CRISP3: variants seen among roughly 807,000 people sequenced by gnomAD.
CRISP3 encodes the protein cysteine rich secretory protein 3.
A neutral mutation model predicts 36.1 loss-of-function variants in CRISP3; 33 were observed. The observed-to-expected ratio is 0.91, with a 90% CI of 0.69 to 1.22. The LOEUF is 1.22. Ranked by LOEUF, CRISP3 falls within the 50% of genes most tolerant of loss-of-function variation. The probability of loss-of-function intolerance (pLI) is 0.00; values close to 1 mark genes in which losing one functional copy is unlikely to be tolerated. For synonymous variants in CRISP3, 117 were observed against 104.6 expected (o/e 1.12, Z -0.72); for missense variants, 330 against 301.2 (o/e 1.10, Z -0.71).
Position 49,731,027 on chromosome 6 carries a change from G to A in CRISP3, c.649+136C>T, listed in dbSNP as rs544558995. The A allele has an allele frequency of 2.2e-5, 13 of 587,662 alleles. No homozygotes were observed. The East Asian group carries it at 3.8e-4, about 17-fold the overall frequency. The allele number at this position is 587,662 out of a possible 1,614,324, so 36.4% of individuals were successfully genotyped here. On this transcript the variant is annotated intron_variant, in intron 7 of 7. Coordinates refer to ENST00000263045, the MANE Select transcript of CRISP3 (RefSeq NM_006061.4). ...ACTGCACTCCAGCCTGGGCGACAGAGCCAGACAGACTTTTTTTTCCTTTTT... is the reference window on the plus strand; with the variant it reads ...ACTGCACTCCAGCCTGGGCGACAGAACCAGACAGACTTTTTTTTCCTTTTT...
rs776792111 is a variant in CRISP3, at chr6:49,733,177, G to T, written c.560+18C>A. On this transcript the variant is annotated intron_variant, in intron 6 of 7. Transcript: ENST00000263045. ...GTATTTAGCATTATTGACAATAAAC[G>T]CTAAAATATATACTTACGCAGGACA... The T allele has an allele frequency of 6.4e-6, 9 of 1,410,634 alleles. No individual in the cohort carries two copies. Among genetic ancestry groups the T allele is most frequent in the Admixed American group, 2.1e-5 (1 of 48,762 alleles). The allele number at this position is 1,410,634 out of a possible 1,614,324, so 87.4% of individuals were successfully genotyped here. A position where few individuals can be genotyped will look rare whatever the true frequency, so the allele number is the denominator to read the frequency against.
intron 4 of CRISP3, among the ~76,000 whole-genome samples, chr6:49,735,168 T>C (rs1270250343): frequency 6.6e-6 from 1 of 152,186 alleles, no homozygotes. Context: ...CCAAATTTCC[T>C]ATATATGACA....
intron 4 of CRISP3, among the ~76,000 whole-genome samples, 173 bp from the exon 5 acceptor site, chr6:49,734,021 C>G: frequency 6.6e-6 from 1 of 152,152 alleles, no homozygotes; most frequent in Admixed American, 6.5e-5. Context: ...AGATCCTTAT[C>G]AGCTATAAGC....
chr6:49,728,726 G>C lies in CRISP3; in HGVS notation c.*4C>G. The C allele has an allele frequency of 6.2e-7, 1 of 1,609,442 alleles. No individual in the cohort carries two copies. ...CATAGCCCTACTCGGTGTGTAATGC[G>C]TATTTAATAAATGCTGTTTGAACAA... On this transcript the variant is annotated 3_prime_UTR_variant, in exon 8 of 8. Coordinates refer to ENST00000263045, the MANE Select transcript of CRISP3 (RefSeq NM_006061.4).
In CRISP3 at chr6:49,738,721, C is replaced by A. The variant is rs111495158; in HGVS notation, c.38-1323G>T. Among the ~76,000 whole-genome samples the A allele has an allele frequency of 6.3e-3, 962 of 152,192 alleles. 6 individuals are homozygous for A. Among genetic ancestry groups the A allele is most frequent in the African/African-American group, 0.021 (874 of 41,536 alleles). On this transcript the variant is annotated intron_variant, in intron 1 of 7. Transcript: ENST00000263045. The stretch of plus-strand genomic sequence containing the variant: ...TCTCCTAACCAGCACCTCTGCACCC[C>A]ACCACCCCGCCCACTGTGAATCTAA...
intron 2 of CRISP3, among the ~76,000 whole-genome samples, chr6:49,736,960 A>G (rs1769068981): frequency 6.6e-6 from 1 of 152,188 alleles, no homozygotes; most frequent in South Asian, 2.1e-4. Flanking sequence ...AAAAATGCTT[A>G]GGCTCAGCCT....
intron 6 of CRISP3, 80 bp downstream of exon 6, chr6:49,733,115 A>G: frequency 1.2e-6 from 1 of 800,940 alleles, no homozygotes; most frequent in Admixed American, 2.8e-5. Flanking sequence ...CTTTACTTAA[A>G]TATGCTTTTT....
At chr6:49,744,123 T>A (rs999975342) in intron 1 of CRISP3, among the ~76,000 whole-genome samples, 13 of 152,118 alleles carry the variant, frequency 8.5e-5, no homozygotes, top group Admixed American at 3.9e-4. Context: ...TAAAAGTGCT[T>A]TTGGAATAAT....
rs751015397 is a variant in CRISP3, at chr6:49,737,393, T to A, written c.43A>T (p.Thr15Ser). Residue 15 changes from threonine to serine, a missense_variant, in exon 2 of 8, where the codon ACA (threonine) becomes TCA (serine). By Grantham distance (58) the Thr-to-Ser change is moderately conservative. Transcript: ENST00000263045. ...LHPALETTAM[T>S]LFPVLLFLVA... ...AGGAACAACAGCACTGGGAATAATGTCATTGCTGGGAAAACAAAACCGGTG... is the reference window on the plus strand; with the variant it reads ...AGGAACAACAGCACTGGGAATAATGACATTGCTGGGAAAACAAAACCGGTG... The A allele has an allele frequency of 3.1e-6, 5 of 1,613,870 alleles. No homozygotes were observed. In the African/African-American group the frequency reaches 5.3e-5, roughly 17 times the overall value.
Position 49,728,746 on chromosome 6 carries a change from G to T in CRISP3, c.761C>A (p.Ser254Ter). 6.2e-7 allele frequency: 1 copy of T among 1,611,320 alleles called. No individual in the cohort carries two copies. The highest frequency in any genetic ancestry group is 1.1e-5 in the South Asian group (1 of 90,374). The stretch of plus-strand genomic sequence containing the variant: ...AATGCGTATTTAATAAATGCTGTTT[G>T]AACAATTGCAGGAGGCCTTGCAACT... The part of the protein sequence containing the change: ...RDSCKASCNC[S>*]NSIY Residue 254 changes from serine to a stop codon, truncating the protein, a stop_gained, in exon 8 of 8, where the codon TCA becomes TAA. Transcript: ENST00000263045. LOFTEE classifies it high-confidence loss of function.
At chr6:49,732,397 GA>G (rs889247768) in intron 6 of CRISP3, among the ~76,000 whole-genome samples, 48 of 152,140 alleles carry the variant, frequency 3.2e-4, no homozygotes, top group African/African-American at 1.1e-3. Context: ...TGAGTTTGGG[GA>G]AAACCCCTCC....
intron 3 of CRISP3, among the ~76,000 whole-genome samples, chr6:49,736,021 C>T (rs1769042813): frequency 6.6e-6 from 1 of 152,022 alleles, no homozygotes; most frequent in Non-Finnish European, 1.5e-5. Flanking sequence ...GCCTTTGGTA[C>T]AGGGCCCAGA....
chr6:49,729,676 G>GT (rs532583882), intron 7 of CRISP3, among the ~76,000 whole-genome samples: 111 of 151,034 alleles, frequency 7.3e-4, no homozygotes, highest in Admixed American at 8.6e-4. Flanking sequence ...CTATTTTTTG[G>GT]TTTTTTTTTG....
intron 1 of CRISP3, among the ~76,000 whole-genome samples, chr6:49,743,154 C>T (rs1004833272): frequency 1.3e-5 from 2 of 152,154 alleles, no homozygotes; most frequent in Non-Finnish European, 2.9e-5. Flanking sequence ...ATAAGAATAG[C>T]TGTCTTGCAT....
At chr6:49,737,092 G>C (rs1769073579) in intron 2 of CRISP3, among the ~76,000 whole-genome samples, 5 of 152,036 alleles carry the variant, frequency 3.3e-5, no homozygotes, top group African/African-American at 1.2e-4. Flanking sequence ...GCAATTTGCG[G>C]GGTGGAGCAA....
intron 1 of CRISP3, among the ~76,000 whole-genome samples, chr6:49,737,944 C>T (rs1050285227): frequency 3.9e-5 from 6 of 152,320 alleles, no homozygotes; most frequent in Middle Eastern, 3.4e-3. Flanking sequence ...AAGTCCTCTA[C>T]GTATATGCTT....
intron 1 of CRISP3, among the ~76,000 whole-genome samples, chr6:49,740,583 GT>G (rs1769174286): frequency 7.2e-6 from 1 of 139,830 alleles, no homozygotes; most frequent in Admixed American, 7.4e-5. Context: ...GGATGTGTGT[GT>G]GTGTGTGTGT....
rs1768804766 is a variant in CRISP3, at chr6:49,727,839, A to G, written c.*891T>C. 6.6e-6 allele frequency: 1 copy of G among 152,160 alleles called. No individual in the cohort carries two copies. Among genetic ancestry groups the G allele is most frequent in the Non-Finnish European group, 1.5e-5 (1 of 68,008 alleles). The allele number at this position is 152,160 out of a possible 1,614,324, so 9.4% of individuals were successfully genotyped here. A position where few individuals can be genotyped will look rare whatever the true frequency, so the allele number is the denominator to read the frequency against. On this transcript the variant is annotated 3_prime_UTR_variant, in exon 8 of 8. Transcript: ENST00000263045. Reference sequence around the variant, plus strand: ...TGAATTTTTAGAAAGATTATCTAGAACAAATCTGAATGACTTATCACTGGT... The same window carrying G: ...TGAATTTTTAGAAAGATTATCTAGAGCAAATCTGAATGACTTATCACTGGT...
chr6:49,735,079 T>A (rs1450421076), intron 4 of CRISP3, among the ~76,000 whole-genome samples: 3 of 152,056 alleles, frequency 2.0e-5, no homozygotes, highest in Non-Finnish European at 4.4e-5. Context: ...AGAAAAAAAA[T>A]TAAGTAGGTT....
Sources: allele counts gnomAD v4.1 joint callset (sites outside exome capture counted in the v4.1 genomes callset), GRCh38; gene constraint gnomAD v4.1.1; transcripts MANE v1.5; gene names NCBI Gene and HGNC (gene_info 2026-07-23, HGNC 2026-07-21).